The following FKBP10 variants were observed in gnomAD, a reference collection of about 807,000 sequenced individuals.
FKBP10 encodes peptidyl-prolyl cis-trans isomerase FKBP10.
FKBP10 carries 34 observed loss-of-function variants against 53.7 expected under a neutral mutation model. The ratio of observed to expected loss-of-function variants is 0.63; its 90% CI spans 0.48 to 0.84. FKBP10 has a LOEUF of 0.84. Among genes scored for constraint, FKBP10 ranks in the 40% least tolerant of loss-of-function variants. The pLI, the probability that FKBP10 is intolerant of heterozygous loss-of-function variation, is 0.00. For missense variants in FKBP10, 748 were observed against 797.8 expected, an observed-to-expected ratio of 0.94 and a Z score of 0.75; for synonymous variants, 324 against 335.7, an observed-to-expected ratio of 0.97 and a Z score of 0.38.
chr17:41,818,409 C>A lies in FKBP10; in HGVS notation c.609C>A (p.Thr203=), dbSNP rs782409174. The change falls in exon 4 of 10, where the codon ACC becomes ACA. Residue 203 remains threonine (T), a synonymous_variant. Transcript: ENST00000321562. ...TSYSKGGTYD[T]YVGSGWLIKG... is the part of the protein sequence containing the mutation. ...ACAGTAAGGGCGGCACTTATGACACCTACGTCGGCTCTGGTTGGCTGATCA... is the reference window on the plus strand; with the variant it reads ...ACAGTAAGGGCGGCACTTATGACACATACGTCGGCTCTGGTTGGCTGATCA... 6.2e-7 allele frequency: 1 copy of A among 1,614,078 alleles called. No individual in the cohort carries two copies. The highest frequency in any genetic ancestry group is 1.7e-5 in the Admixed American group (1 of 60,000).
At chr17:41,816,294 G>A (rs1196353265) in intron 1 of FKBP10, among the ~76,000 whole-genome samples, 1 of 116,780 alleles carries the variant, frequency 8.6e-6, no homozygotes, top group Non-Finnish European at 1.6e-5. Flanking sequence ...CCAGTGGCAC[G>A]ATTTCGGCTC....
Position 41,818,824 on chromosome 17 carries a change from G to A in FKBP10, c.727+297G>A, listed in dbSNP as rs2047850031. The stretch of plus-strand genomic sequence containing the variant: ...CAAAAAAATTAGCCGGGCGTGGTGG[G>A]GGCGCCTGTAGTCCCAGCTACTCGG... On this transcript the variant is annotated intron_variant, in intron 4 of 9. Transcript: ENST00000321562. The A allele has an allele frequency of 7.3e-6, 3 of 410,016 alleles. No homozygotes were observed. In the African/African-American group the frequency reaches 1.0e-4, roughly 14 times the overall value. 25.4% of individuals were successfully genotyped at this position (410,016 alleles called of 1,614,324 possible). A position where few individuals can be genotyped will look rare whatever the true frequency, so the allele number is the denominator to read the frequency against.
chr17:41,820,983 G>A lies in FKBP10; in HGVS notation c.1293G>A (p.Gly431=). 1 of 1,611,946 alleles carries A rather than the reference G, an allele frequency of 6.2e-7. No individual in the cohort carries two copies. Among genetic ancestry groups the A allele is most frequent in the Non-Finnish European group, 8.5e-7 (1 of 1,179,374 alleles). ...DYGAPQEATL[G]ANKVIEGLDT... ...GGGCCCCCCAGGAGGCGACTCTCGG[G>A]GCCAACAAGGTGATCGAAGGCCTGG... The change falls in exon 8 of 10, where the codon GGG becomes GGA. Residue 431 remains glycine, a synonymous_variant. Coordinates refer to ENST00000321562, the MANE Select transcript of FKBP10 (RefSeq NM_021939.4).
intron 7 of FKBP10, 88 bp from the exon 8 acceptor site, chr17:41,820,859 G>T: frequency 6.5e-7 from 1 of 1,535,888 alleles, no homozygotes; most frequent in South Asian, 1.2e-5. Context: ...GGAACTGAGG[G>T]CTTGTTCTGG....
rs2047838118 is a variant in FKBP10, at chr17:41,818,088, G to T, written c.392-1G>T. Reference sequence around the variant, plus strand: ...ACCTCCACGCTGCTGCGCTCTCACAGCGGGGCTCATTCCACCGGATGCCAC... The same window carrying T: ...ACCTCCACGCTGCTGCGCTCTCACATCGGGGCTCATTCCACCGGATGCCAC... On this transcript the variant is annotated splice_acceptor_variant, in intron 2 of 9. Transcript: ENST00000321562. LOFTEE classifies it high-confidence loss of function. The T allele has an allele frequency of 6.2e-7, 1 of 1,604,848 alleles. No individual in the cohort carries two copies. Among genetic ancestry groups the T allele is most frequent in the African/African-American group, 1.3e-5 (1 of 74,682 alleles).
At chr17:41,817,269 G>A in intron 2 of FKBP10, 66 bp downstream of exon 2, 1 of 1,593,468 alleles carries the variant, frequency 6.3e-7, no homozygotes, top group Non-Finnish European at 8.5e-7. Flanking sequence ...GGATCCTGGG[G>A]TGAGAAAACT....
chr17:41,813,099 T>C lies in FKBP10; in HGVS notation c.65T>C (p.Leu22Pro), dbSNP rs2047768516. The C allele has an allele frequency of 6.2e-7, 1 of 1,611,064 alleles. No individual in the cohort carries two copies. ...LRLPLLQLLL[L>P]VVQAVGRGLG... ...CTCCCCCTGCTGCAGTTGCTGCTAC[T>C]GGTGGTGCAGGCCGTGGGGAGGGGG... Residue 22 changes from leucine to proline, a missense_variant, in exon 1 of 10, where the codon CTG becomes CCG. Physicochemically the swap from Leu to Pro is moderately conservative, Grantham distance 98. Transcript: ENST00000321562.
rs137992633 is a variant in FKBP10, at chr17:41,817,091, G to A, written c.279G>A (p.Val93=). Residue 93 remains valine (V), a synonymous_variant, in exon 2 of 10, where the codon GTG becomes GTA. Coordinates refer to ENST00000321562, the MANE Select transcript of FKBP10 (RefSeq NM_021939.4). ...YDRNTLVAIV[V]GVGRLITGMD... ...GCAACACCTTGGTGGCCATCGTGGT[G>A]GGTGTGGGGCGCCTCATCACTGGCA... 3.4e-5 allele frequency: 55 copies of A among 1,614,122 alleles called. No individual in the cohort carries two copies. In the African/African-American group the frequency reaches 6.3e-4, roughly 18 times the overall value.
intron 7 of FKBP10, 70 bp downstream of exon 7, chr17:41,820,531 C>A: frequency 6.7e-7 from 1 of 1,498,290 alleles, no homozygotes. Flanking sequence ...CCTCAGTGCA[C>A]CCCCGACGCC....
At chr17:41,814,835 C>T (rs1395289849) in intron 1 of FKBP10, among the ~76,000 whole-genome samples, 1 of 152,212 alleles carries the variant, frequency 6.6e-6, no homozygotes, top group African/African-American at 2.4e-5. Flanking sequence ...TGGGTTCAAG[C>T]AATTCTCCTG....
chr17:41,821,998 C>G (rs1419998097), intron 9 of FKBP10, among the ~76,000 whole-genome samples, 181 bp downstream of exon 9: 5 of 152,116 alleles, frequency 3.3e-5, no homozygotes, highest in African/African-American at 1.2e-4. Flanking sequence ...AGGCTGTTCC[C>G]TACCTGAGAC....
Position 41,822,495 on chromosome 17 carries a change from C to A in FKBP10, c.*87C>A, listed in dbSNP as rs2047905844. 4 of 1,448,212 alleles carry A rather than the reference C, an allele frequency of 2.8e-6. No individual in the cohort carries two copies. In the South Asian group the frequency reaches 3.7e-5, roughly 13 times the overall value. The allele number at this position is 1,448,212 out of a possible 1,614,324, so 89.7% of individuals were successfully genotyped here. On this transcript the variant is annotated 3_prime_UTR_variant, in exon 10 of 10. Coordinates refer to ENST00000321562, the MANE Select transcript of FKBP10 (RefSeq NM_021939.4). ...TGGGACTGACCTGCTGACAGTCACCCTCCCTCTGCTGGGATGAGGTCCAGG... is the reference window on the plus strand; with the variant it reads ...TGGGACTGACCTGCTGACAGTCACCATCCCTCTGCTGGGATGAGGTCCAGG...
At position 41,821,063 on chromosome 17, in the gene FKBP10, C is replaced by T. The variant is rs782565439; in HGVS notation, c.1373C>T (p.Pro458Leu). Residue 458 changes from proline to leucine, a missense_variant, in exon 8 of 10, where the codon CCG becomes CTG. By Grantham distance (98) the Pro-to-Leu change is moderately conservative (BLOSUM62 -3). Transcript: ENST00000321562. ...VGERRQLIVP[P>L]HLAHGESGAR... is the part of the protein sequence containing the mutation. ...GAGAGGCGGCAGCTCATCGTGCCCC[C>T]GCACCTGGCCCACGGGGAGAGTGGA... 13 of 1,579,448 alleles carry T rather than the reference C, an allele frequency of 8.2e-6. No homozygotes were observed. Among genetic ancestry groups the T allele is most frequent in the Admixed American group, 1.8e-5 (1 of 54,490 alleles).
Position 41,820,471 on chromosome 17 carries a change from G to GA in FKBP10, c.1256+10_1256+11insA, listed in dbSNP as rs782780657. The GA allele has an allele frequency of 6.2e-7, 1 of 1,612,772 alleles. No homozygotes were observed. The highest frequency in any genetic ancestry group is 1.1e-5 in the South Asian group (1 of 91,044). On this transcript the variant is annotated intron_variant, in intron 7 of 9. Transcript: ENST00000321562. Reference sequence around the variant, plus strand: ...CCCAGCTGTTCACCTCGTGGGTCCGGGGGGGGGCCGGGACTGGGCAGGTGG... The same window carrying GA: ...CCCAGCTGTTCACCTCGTGGGTCCGGAGGGGGGGCCGGGACTGGGCAGGTGG...
intron 1 of FKBP10, among the ~76,000 whole-genome samples, chr17:41,815,269 A>G (rs901780818): frequency 2.0e-5 from 3 of 151,882 alleles, no homozygotes; most frequent in East Asian, 3.9e-4. Flanking sequence ...TGATCCGCCC[A>G]CCTCGGCCTC....
At chr17:41,816,461 T>C (rs999521834) in intron 1 of FKBP10, among the ~76,000 whole-genome samples, 12 of 152,068 alleles carry the variant, frequency 7.9e-5, no homozygotes, top group African/African-American at 2.9e-4. Flanking sequence ...AATAGGCCTT[T>C]TCAAAATGTG....
rs781986493 is a variant in FKBP10 at position 41,818,140 on chromosome 17, A to C, written c.443A>C (p.Asp148Ala). The C allele has an allele frequency of 6.2e-7, 1 of 1,613,816 alleles. No individual in the cohort carries two copies. Among genetic ancestry groups the C allele is most frequent in the South Asian group, 1.1e-5 (1 of 91,084 alleles). ...CTCTACTTCGATGTGGTTCTGCTGGATGTGTGGAACAAGGAAGACACCGTG... is the reference window on the plus strand; with the variant it reads ...CTCTACTTCGATGTGGTTCTGCTGGCTGTGTGGAACAAGGAAGACACCGTG... ...ATLYFDVVLL[D>A]VWNKEDTVQV... The change falls in exon 3 of 10, where the codon GAT (aspartate) becomes GCT (alanine). Residue 148 changes from aspartate (D) to alanine (A), a missense_variant. Transcript: ENST00000321562.
In FKBP10 at chr17:41,821,761, G is replaced by GC; in HGVS notation, c.1509dup (p.Asn504GlnfsTer4). 2.5e-6 allele frequency: 4 copies of GC among 1,614,160 alleles called. No homozygotes were observed. Among genetic ancestry groups the GC allele is most frequent in the Non-Finnish European group, 3.4e-6 (4 of 1,180,024 alleles). ...GTTTGTGTGGCACAAGGACCCTCCT[G>GC]CCAACCTGTTTGAAGACATGGACCT... On this transcript the variant is annotated frameshift_variant, in exon 9 of 10. Coordinates refer to ENST00000321562, the MANE Select transcript of FKBP10 (RefSeq NM_021939.4). LOFTEE classifies it high-confidence loss of function.
chr17:41,816,617 T>C (rs1597905077), intron 1 of FKBP10, among the ~76,000 whole-genome samples: 1 of 152,102 alleles, frequency 6.6e-6, no homozygotes, highest in Admixed American at 6.6e-5. Flanking sequence ...ATTGCTCTCA[T>C]TAAGAAAAAT....
Sources: allele counts gnomAD v4.1 joint callset (sites outside exome capture counted in the v4.1 genomes callset), GRCh38; gene constraint gnomAD v4.1.1; transcripts MANE v1.5; gene names NCBI Gene and HGNC (gene_info 2026-07-23, HGNC 2026-07-21).